The following NRG3 variants were observed in gnomAD, a reference collection of about 807,000 sequenced individuals.
The protein encoded by NRG3 is pro-neuregulin-3, membrane-bound isoform.
NRG3 carries 31 observed loss-of-function variants against 66.9 expected under a neutral mutation model. The ratio of observed to expected loss-of-function variants is 0.46; its 90% CI spans 0.35 to 0.63. The LOEUF (loss-of-function observed/expected upper bound fraction) is 0.63, where lower values mean the gene tolerates loss of function less well. Ranked by LOEUF, NRG3 falls within the 20% of genes least tolerant of loss-of-function variation. NRG3 has a pLI of 0.00. For synonymous variants in NRG3, 393 were observed against 359.4 expected, an observed-to-expected ratio of 1.09 and a Z score of -1.06; for missense variants, 910 against 878.9, an observed-to-expected ratio of 1.04 and a Z score of -0.45.
At chr10:82,856,766 A>G (rs1489707846) in intron 3 of NRG3, among the ~76,000 whole-genome samples, 1 of 150,980 alleles carries the variant, frequency 6.6e-6, no homozygotes, top group Non-Finnish European at 1.5e-5. Flanking sequence ...CAAAAAAAAA[A>G]AAAAAAAGAA....
chr10:82,875,912 A>G (rs1054786341), intron 4 of NRG3, among the ~76,000 whole-genome samples: 2 of 152,244 alleles, frequency 1.3e-5, no homozygotes, highest in Non-Finnish European at 2.9e-5. Flanking sequence ...CATGACAACT[A>G]AGTCAAATAA....
At chr10:82,801,831 T>G (rs1187617250) in intron 3 of NRG3, among the ~76,000 whole-genome samples, 5 of 152,164 alleles carry the variant, frequency 3.3e-5, no homozygotes, top group Non-Finnish European at 2.9e-5. Flanking sequence ...GATGTGATGG[T>G]AAATTCAGAA....
At chr10:82,761,930 T>TTC (rs1457328950) in intron 3 of NRG3, among the ~76,000 whole-genome samples, 23 of 109,036 alleles carry the variant, frequency 2.1e-4, no homozygotes, top group African/African-American at 7.8e-4. Context: ...TTCTCTTTCT[T>TTC]TCTTTCTTTC....
intron 2 of NRG3, among the ~76,000 whole-genome samples, chr10:82,411,069 C>T (rs533948296): frequency 3.3e-5 from 5 of 152,238 alleles, no homozygotes; most frequent in African/African-American, 9.6e-5. Context: ...GGCACCACCA[C>T]CATCCCTGAC....
chr10:82,229,891 G>A (rs891939516), intron 1 of NRG3, among the ~76,000 whole-genome samples: 7 of 151,680 alleles, frequency 4.6e-5, no homozygotes, highest in Non-Finnish European at 7.4e-5. Flanking sequence ...GAATAGAAAC[G>A]GAAAATATCA....
chr10:82,721,703 G>A (rs144579514), intron 2 of NRG3, among the ~76,000 whole-genome samples: 49 of 152,290 alleles, frequency 3.2e-4, no homozygotes, highest in Admixed American at 1.2e-3. Context: ...GATTACAGGC[G>A]TGAGCTACCA....
At chr10:81,897,030 G>A (rs921853618) in intron 1 of NRG3, among the ~76,000 whole-genome samples, 1 of 152,136 alleles carries the variant, frequency 6.6e-6, no homozygotes, top group African/African-American at 2.4e-5. Context: ...ATAGGTGTTC[G>A]GGAGGCCACA....
intron 4 of NRG3, among the ~76,000 whole-genome samples, chr10:82,876,364 T>C (rs895386656): frequency 1.3e-5 from 2 of 152,212 alleles, no homozygotes; most frequent in Non-Finnish European, 2.9e-5. Flanking sequence ...TAGATAGATT[T>C]GGGGCAATGA....
chr10:82,731,003 CCT>C (rs1053974130), intron 2 of NRG3, among the ~76,000 whole-genome samples: 2 of 152,108 alleles, frequency 1.3e-5, no homozygotes, highest in Non-Finnish European at 2.9e-5. Context: ...GAGAATCCAT[CCT>C]CTGTTTTTTG....
chr10:82,557,950 C>T (rs1232844820), intron 2 of NRG3, among the ~76,000 whole-genome samples: 4 of 152,062 alleles, frequency 2.6e-5, no homozygotes, highest in South Asian at 2.1e-4. Flanking sequence ...ACACAACACT[C>T]GCTACATTAC....
chr10:82,105,907 G>A (rs1040207623), intron 1 of NRG3, among the ~76,000 whole-genome samples: 1 of 152,072 alleles, frequency 6.6e-6, no homozygotes, highest in African/African-American at 2.4e-5. Flanking sequence ...GGTATGCAAA[G>A]CCTTATGTCA....
intron 3 of NRG3, among the ~76,000 whole-genome samples, chr10:82,838,734 A>G (rs907971166): frequency 6.6e-6 from 1 of 152,124 alleles, no homozygotes; most frequent in Non-Finnish European, 1.5e-5. Context: ...ACATATACAC[A>G]CACACATATA....
chr10:82,675,437 C>T (rs983452353), intron 2 of NRG3, among the ~76,000 whole-genome samples: 2 of 152,152 alleles, frequency 1.3e-5, no homozygotes, highest in African/African-American at 4.8e-5. Context: ...AGGTGTCAGA[C>T]ATGCAAAGAA....
chr10:81,952,004 C>T (rs1378037672), intron 1 of NRG3, among the ~76,000 whole-genome samples: 2 of 151,900 alleles, frequency 1.3e-5, no homozygotes, highest in Admixed American at 6.6e-5. Context: ...CCATCATTCT[C>T]AGCAAACTAT....
intron 2 of NRG3, among the ~76,000 whole-genome samples, chr10:82,596,501 G>T (rs545397223): frequency 6.6e-6 from 1 of 152,092 alleles, no homozygotes; most frequent in African/African-American, 2.4e-5. Context: ...AACTGGTTGG[G>T]CTCATTTTGG....
intron 1 of NRG3, among the ~76,000 whole-genome samples, chr10:82,108,425 G>A (rs951858888): frequency 6.6e-6 from 1 of 152,196 alleles, no homozygotes; most frequent in Admixed American, 6.5e-5. Context: ...GACTGTACTG[G>A]AAGTCTGTGA....
rs551524814 is a variant in NRG3 at position 82,686,116 on chromosome 10, G to C, written c.954-52461G>C. Among the ~76,000 whole-genome samples the C allele has an allele frequency of 7.9e-5, 12 of 151,858 alleles. No individual in the cohort carries two copies. The East Asian group carries it at 2.3e-3, about 29-fold the overall frequency. ...ATAGAAAATATATTAACTAGTAACAGAGTAATTTCTTATCATGATCAAATA... is the reference window on the plus strand; with the variant it reads ...ATAGAAAATATATTAACTAGTAACACAGTAATTTCTTATCATGATCAAATA... On this transcript the variant is annotated intron_variant, in intron 2 of 8. Transcript: ENST00000372141.
rs1252880723 is a variant in NRG3 at position 82,458,800 on chromosome 10, T to C, written c.953+99932T>C. 3.3e-5 allele frequency among the ~76,000 whole-genome samples: 5 copies of C among 152,194 alleles called. No homozygotes were observed. In the East Asian group the frequency reaches 9.6e-4, roughly 29 times the overall value. ...TCGTTGGGTTAAAAGAGTTGAATAC[T>C]CACATAAAGCATGCTCACATAGTGT... is the stretch of plus-strand genomic sequence containing the variant. On this transcript the variant is annotated intron_variant, in intron 2 of 8. Coordinates refer to ENST00000372141, the MANE Select transcript of NRG3 (RefSeq NM_001010848.4).
intron 1 of NRG3, among the ~76,000 whole-genome samples, chr10:81,978,192 C>T (rs2060197419): frequency 6.6e-6 from 1 of 152,156 alleles, no homozygotes; most frequent in African/African-American, 2.4e-5. Context: ...CCTTACCCCT[C>T]CCAGCCTCTA....
Sources: allele counts gnomAD v4.1 joint callset (sites outside exome capture counted in the v4.1 genomes callset), GRCh38; gene constraint gnomAD v4.1.1; transcripts MANE v1.5; gene names NCBI Gene and HGNC (gene_info 2026-07-23, HGNC 2026-07-21).